The following NUP210L variants were observed in gnomAD, a reference collection of about 807,000 sequenced individuals.
NUP210L encodes nuclear pore membrane glycoprotein 210-like.
A neutral mutation model predicts 208.5 loss-of-function variants in NUP210L; 74 were observed. The observed-to-expected ratio is 0.35, with a 90% confidence interval of 0.29 to 0.43. The LOEUF (loss-of-function observed/expected upper bound fraction) is 0.43. Among genes scored for constraint, NUP210L ranks in the 20% least tolerant of loss-of-function variants. The pLI is 1.00. For missense variants in NUP210L, 1,843 were observed against 2,289.4 expected (o/e 0.81, Z 3.98); for synonymous variants, 780 against 816.9 (o/e 0.95, Z 0.77).
chr1:154,114,299 TAAATA>T (rs1368600708), intron 12 of NUP210L, among the ~76,000 whole-genome samples: 5 of 152,090 alleles, frequency 3.3e-5, no homozygotes, highest in East Asian at 1.9e-4. Context: ...AAAAAATTAA[TAAATA>T]AAATAAAATA....
At position 154,097,957 on chromosome 1, in the gene NUP210L, T is replaced by C. The variant is rs547270110; in HGVS notation, c.1965+2041A>G. ...GGCCCACTGGGCTCATTCCATCCAC[T>C]CGGCCTGGCAGGCTGTGCTTGGCTC... On this transcript the variant is annotated intron_variant, in intron 14 of 39. Transcript: ENST00000368559. Among the ~76,000 whole-genome samples, 7 of 152,308 alleles carry C rather than the reference T, an allele frequency of 4.6e-5. No homozygotes were observed. In the East Asian group the frequency reaches 1.3e-3, roughly 29 times the overall value.
intron 16 of NUP210L, among the ~76,000 whole-genome samples, chr1:154,087,385 T>A (rs1655684406): frequency 6.9e-6 from 1 of 145,656 alleles, no homozygotes. Flanking sequence ...AAAACCACAA[T>A]GAGATACCAC....
intron 2 of NUP210L, among the ~76,000 whole-genome samples, chr1:154,147,511 CT>C (rs1316612667): frequency 4.2e-4 from 53 of 127,052 alleles, no homozygotes; most frequent in Admixed American, 3.2e-4. Flanking sequence ...CTAATTTTTT[CT>C]TTTTTTTTTT....
intron 13 of NUP210L, among the ~76,000 whole-genome samples, chr1:154,102,635 C>G: frequency 6.6e-6 from 1 of 152,022 alleles, no homozygotes; most frequent in East Asian, 1.9e-4. Flanking sequence ...CAGAACAGAG[C>G]TTGGCAAAGA....
chr1:154,092,543 GTTTT>G lies in NUP210L; in HGVS notation c.2187+2388_2187+2391del. ...TGCCACCATACCTGGCTAGTTTTTT[GTTTT>G]TTGTTTTTTTTTTTTTTTTAGCAGA... On this transcript the variant is annotated intron_variant, in intron 15 of 39. Transcript: ENST00000368559. 1.5e-5 allele frequency among the ~76,000 whole-genome samples: 2 copies of G among 135,708 alleles called. 1 individual carries two copies. The highest frequency in any genetic ancestry group is 7.3e-3 in the Middle Eastern group (2 of 274). The allele number at this position is 135,708 out of a possible 152,430, so 89.0% of individuals were successfully genotyped here. A position where few individuals can be genotyped will look rare whatever the true frequency, so the allele number is the denominator to read the frequency against.
chr1:154,048,940 G>A (rs1653337772), intron 25 of NUP210L, among the ~76,000 whole-genome samples: 1 of 152,132 alleles, frequency 6.6e-6, no homozygotes, highest in Non-Finnish European at 1.5e-5. Flanking sequence ...TGTGGAAATG[G>A]GGAAAAGTGA....
intron 37 of NUP210L, among the ~76,000 whole-genome samples, chr1:154,000,055 T>G (rs1246321409): frequency 1.3e-5 from 2 of 152,068 alleles, no homozygotes; most frequent in Non-Finnish European, 2.9e-5. Flanking sequence ...GGTCTTGAAC[T>G]CCTGAGCTCA....
chr1:154,007,837 G>A (rs1650652081), intron 35 of NUP210L, among the ~76,000 whole-genome samples: 2 of 151,414 alleles, frequency 1.3e-5, no homozygotes, highest in South Asian at 4.2e-4. Context: ...GCCTCCCAAA[G>A]TGCTGGGACT....
intron 2 of NUP210L, among the ~76,000 whole-genome samples, chr1:154,149,807 A>G (rs1208106512): frequency 3.3e-5 from 5 of 152,274 alleles, no homozygotes; most frequent in African/African-American, 1.2e-4. Flanking sequence ...TAACTTTTAA[A>G]GTGAAGAGAA....
At chr1:154,071,975 C>CGT (rs57566189) in intron 16 of NUP210L, among the ~76,000 whole-genome samples, 3,492 of 148,430 alleles carry the variant, frequency 0.024, 84 homozygotes, top group African/African-American at 0.064. Flanking sequence ...TATTCCATCG[C>CGT]GTGTGTGTGT....
At chr1:154,068,261 G>C (rs1014030632) in intron 17 of NUP210L, among the ~76,000 whole-genome samples, 1 of 152,150 alleles carries the variant, frequency 6.6e-6, no homozygotes, top group Non-Finnish European at 1.5e-5. Flanking sequence ...ACAGACCAGA[G>C]ACCTCAGAAA....
chr1:154,123,890 AAGAG>A (rs1232050536), intron 10 of NUP210L, among the ~76,000 whole-genome samples: 1 of 150,446 alleles, frequency 6.6e-6, no homozygotes, highest in Non-Finnish European at 1.5e-5. Flanking sequence ...AAAAAAAAAA[AAGAG>A]AGAGAGAGGC....
chr1:154,148,045 G>A (rs920271234), intron 2 of NUP210L, among the ~76,000 whole-genome samples: 21 of 148,478 alleles, frequency 1.4e-4, no homozygotes, highest in African/African-American at 5.2e-4. Context: ...GGATCACTAG[G>A]TCAGGAGTTC....
At chr1:154,118,728 G>C (rs746432849) in exon 11 of NUP210L, 1 of 1,605,646 alleles carries the variant, frequency 6.2e-7, no homozygotes, top group Non-Finnish European at 8.5e-7. Context: ...CCAGAAATTT[G>C]GGTGTAAGCA....
intron 16 of NUP210L, among the ~76,000 whole-genome samples, chr1:154,075,910 C>T (rs1655007381): frequency 1.3e-5 from 2 of 151,942 alleles, no homozygotes; most frequent in South Asian, 4.2e-4. Context: ...CCACCTCAGC[C>T]TCCCAAGTAG....
At chr1:154,080,286 G>A (rs922305539) in intron 16 of NUP210L, among the ~76,000 whole-genome samples, 3 of 152,008 alleles carry the variant, frequency 2.0e-5, no homozygotes, top group Non-Finnish European at 2.9e-5. Context: ...TTTGAACCTG[G>A]GAGGCGGAGG....
At chr1:154,140,784 C>A (rs1054743391) in intron 4 of NUP210L, among the ~76,000 whole-genome samples, 1 of 151,178 alleles carries the variant, frequency 6.6e-6, no homozygotes, top group Non-Finnish European at 1.5e-5. Flanking sequence ...AGATTGAGAA[C>A]ATCCTGGCTA....
At chr1:154,022,811 G>A (rs985295161) in intron 31 of NUP210L, among the ~76,000 whole-genome samples, 1 of 151,252 alleles carries the variant, frequency 6.6e-6, no homozygotes, top group Non-Finnish European at 1.5e-5. Context: ...CCTAGTAGCT[G>A]GGACTACAGG....
At chr1:154,078,289 G>A (rs1402330778) in intron 16 of NUP210L, among the ~76,000 whole-genome samples, 1 of 150,274 alleles carries the variant, frequency 6.7e-6, no homozygotes, top group Non-Finnish European at 1.5e-5. Flanking sequence ...GAAAACAGAG[G>A]AAGATCCTAT....
Sources: allele counts gnomAD v4.1 joint callset (sites outside exome capture counted in the v4.1 genomes callset), GRCh38; gene constraint gnomAD v4.1.1; transcripts MANE v1.5; gene names NCBI Gene and HGNC (gene_info 2026-07-23, HGNC 2026-07-21).